The following RYR3 variants were observed in gnomAD, a reference collection of about 807,000 sequenced individuals.
RYR3 encodes the protein ryanodine receptor 3.
Under a neutral mutation model 584.3 loss-of-function variants are expected in RYR3, and 207 were observed. The ratio of observed to expected loss-of-function variants is 0.35; its 90% CI spans 0.32 to 0.40. The LOEUF is 0.40. Among genes scored for constraint, RYR3 ranks in the 10% least tolerant of loss-of-function variants. The pLI is 1.00. For synonymous variants in RYR3, 2,416 were observed against 2,248.5 expected, an observed-to-expected ratio of 1.07 and a Z score of -2.11; for missense variants, 5,616 against 6,089.2, an observed-to-expected ratio of 0.92 and a Z score of 2.59.
chr15:33,477,980 T>G (rs2049576645), intron 2 of RYR3, among the ~76,000 whole-genome samples: 1 of 149,032 alleles, frequency 6.7e-6, no homozygotes, highest in East Asian at 2.0e-4. Context: ...CGATAGCAAA[T>G]GTTTATTTAC....
chr15:33,322,871 T>C (rs1969158886), intron 1 of RYR3, among the ~76,000 whole-genome samples: 1 of 151,728 alleles, frequency 6.6e-6, no homozygotes, highest in African/African-American at 2.4e-5. Flanking sequence ...ATTCACACTC[T>C]TGTCTACCTT....
intron 2 of RYR3, among the ~76,000 whole-genome samples, chr15:33,498,583 T>C (rs895113123): frequency 3.3e-5 from 5 of 152,284 alleles, no homozygotes; most frequent in Admixed American, 2.6e-4. Flanking sequence ...ATTCTAGATA[T>C]TAATTCCTTG....
At chr15:33,854,558 A>T in intron 97 of RYR3, 109 bp downstream of exon 97, 1 of 1,083,236 alleles carries the variant, frequency 9.2e-7, no homozygotes, top group Non-Finnish European at 1.3e-6. Context: ...CTTATCAAAG[A>T]CCAAGAGCCT....
At chr15:33,699,501 C>G (rs1473450554) in intron 40 of RYR3, among the ~76,000 whole-genome samples, 1 of 151,960 alleles carries the variant, frequency 6.6e-6, no homozygotes, top group Non-Finnish European at 1.5e-5. Flanking sequence ...GATTGGGATT[C>G]TTGTTTGACA....
At chr15:33,681,604 C>G (rs1197185016) in intron 38 of RYR3, among the ~76,000 whole-genome samples, 1 of 152,156 alleles carries the variant, frequency 6.6e-6, no homozygotes, top group African/African-American at 2.4e-5. Context: ...AATTATCTAC[C>G]ACCTGTTCAT....
At chr15:33,625,081 G>A (rs1214746068) in intron 20 of RYR3, among the ~76,000 whole-genome samples, 1 of 152,194 alleles carries the variant, frequency 6.6e-6, no homozygotes. Context: ...TCACAGTTCT[G>A]CATGGCTGGG....
Position 33,310,983 on chromosome 15 carries a change from C to CGAGCG in RYR3, c.-61_-57dup, listed in dbSNP as rs1204093105. The CGAGCG allele has an allele frequency of 9.5e-5, 128 of 1,341,092 alleles. No individual in the cohort carries two copies. The highest frequency in any genetic ancestry group is 1.3e-4 in the Non-Finnish European group (125 of 960,274). The allele number at this position is 1,341,092 out of a possible 1,614,324, so 83.1% of individuals were successfully genotyped here. On this transcript the variant is annotated 5_prime_UTR_variant, in exon 1 of 104. Coordinates refer to ENST00000634891, the MANE Select transcript of RYR3 (RefSeq NM_001036.6). ...GAGCGCAGCAGCAGTCAGCGCACGC[C>CGAGCG]GAGCGGCTGCCGGGGGAAGCAGAGG...
intron 28 of RYR3, 163 bp from the exon 29 acceptor site, chr15:33,646,188 A>T: frequency 1.7e-6 from 1 of 584,098 alleles, no homozygotes; most frequent in Non-Finnish European, 3.0e-6. Flanking sequence ...CTACGGGACA[A>T]GGCCCAAGTA....
At chr15:33,678,225 T>A (rs1041592288) in intron 38 of RYR3, among the ~76,000 whole-genome samples, 1 of 152,208 alleles carries the variant, frequency 6.6e-6, no homozygotes, top group Non-Finnish European at 1.5e-5. Context: ...ACAAATCTCA[T>A]GTCGAATTGT....
At chr15:33,817,903 G>C (rs932684046) in intron 75 of RYR3, among the ~76,000 whole-genome samples, 7 of 152,138 alleles carry the variant, frequency 4.6e-5, no homozygotes, top group African/African-American at 1.4e-4. Flanking sequence ...CTCTGCCACT[G>C]CTAGAAAATT....
rs190482838 is a variant in RYR3, at chr15:33,651,182, T to C, written c.4143-1536T>C. Among the ~76,000 whole-genome samples, 261 of 152,348 alleles carry C rather than the reference T, an allele frequency of 1.7e-3. 2 individuals carry two copies. Among genetic ancestry groups the C allele is most frequent in the African/African-American group, 6.0e-3 (248 of 41,580 alleles). ...CAATAATTCTTACTTCTTTGTCCTA[T>C]GTAATAAGAAATAAATACAAAATCC... On this transcript the variant is annotated intron_variant, in intron 31 of 103. Coordinates refer to ENST00000634891, the MANE Select transcript of RYR3 (RefSeq NM_001036.6).
rs200758476 is a variant in RYR3, at chr15:33,412,685, C to G, written c.52-60734C>G. On this transcript the variant is annotated intron_variant, in intron 1 of 103. Coordinates refer to ENST00000634891, the MANE Select transcript of RYR3 (RefSeq NM_001036.6). This position sits in a 1 kb window ranked among gnomAD's most constrained non-coding sequence, Gnocchi z 4.3. ...CTGGTTTGGTTGTAACTCTCTGAAGCTGAGTACTGTGGCTAAATCAAGCTC... is the reference window on the plus strand; with the variant it reads ...CTGGTTTGGTTGTAACTCTCTGAAGGTGAGTACTGTGGCTAAATCAAGCTC... Among the ~76,000 whole-genome samples the G allele has an allele frequency of 2.6e-5, 4 of 152,310 alleles. No homozygotes were observed. In the East Asian group the frequency reaches 7.7e-4, roughly 29 times the overall value.
At chr15:33,607,481 T>A (rs1278257963) in intron 18 of RYR3, among the ~76,000 whole-genome samples, 1 of 152,144 alleles carries the variant, frequency 6.6e-6, no homozygotes, top group African/African-American at 2.4e-5. Flanking sequence ...TCTAGAGTTA[T>A]TCAGAGTTCC....
At chr15:33,555,465 C>CT (rs1009932561) in intron 10 of RYR3, among the ~76,000 whole-genome samples, 1 of 152,160 alleles carries the variant, frequency 6.6e-6, no homozygotes, top group South Asian at 2.1e-4. Flanking sequence ...GATTTTTAAA[C>CT]TTTAAGTTGA....
Position 33,805,699 on chromosome 15 carries a change from G to A in RYR3, c.10012-1856G>A, listed in dbSNP as rs28758386. Among the ~76,000 whole-genome samples, 351 of 151,304 alleles carry A rather than the reference G, an allele frequency of 2.3e-3. 1 individual carries two copies. The highest frequency in any genetic ancestry group is 6.9e-3 in the Middle Eastern group (2 of 290). On this transcript the variant is annotated intron_variant, in intron 69 of 103. Transcript: ENST00000634891. Reference sequence around the variant, plus strand: ...TCACTGTGTTAGCCAGGATGGTCTCGATCTCCTGACGTCATGATCCGCCCG... The same window carrying A: ...TCACTGTGTTAGCCAGGATGGTCTCAATCTCCTGACGTCATGATCCGCCCG...
chr15:33,393,199 G>A (rs117393736), intron 1 of RYR3, among the ~76,000 whole-genome samples: 2,129 of 152,348 alleles, frequency 0.014, 18 homozygotes, highest in Non-Finnish European at 0.024. Context: ...ATGTGAACAG[G>A]TAGAATCTAT....
chr15:33,531,507 C>G lies in RYR3; in HGVS notation c.354+841C>G, dbSNP rs565504896. Among the ~76,000 whole-genome samples the G allele has an allele frequency of 2.6e-5, 4 of 151,998 alleles. No individual in the cohort carries two copies. The South Asian group carries it at 6.2e-4, about 24-fold the overall frequency. On this transcript the variant is annotated intron_variant, in intron 4 of 103. Coordinates refer to ENST00000634891, the MANE Select transcript of RYR3 (RefSeq NM_001036.6). ...CTCTAGCCCTAGTGGAAAACTGATACGTTAATTCAAGACTATTTCCACACA... is the reference window on the plus strand; with the variant it reads ...CTCTAGCCCTAGTGGAAAACTGATAGGTTAATTCAAGACTATTTCCACACA...
chr15:33,507,455 G>A (rs1406574960), intron 3 of RYR3, among the ~76,000 whole-genome samples: 1 of 152,128 alleles, frequency 6.6e-6, no homozygotes, highest in Non-Finnish European at 1.5e-5. Flanking sequence ...CTAATCCTAT[G>A]TAATTTTATT....
At chr15:33,547,649 T>G (rs1382467263) in intron 8 of RYR3, among the ~76,000 whole-genome samples, 1 of 152,228 alleles carries the variant, frequency 6.6e-6, no homozygotes, top group Non-Finnish European at 1.5e-5. Flanking sequence ...GTGTAACAAC[T>G]GAGCATAAAG....
Sources: gnomAD v4.1 joint callset for allele counts (sites outside exome capture counted in the v4.1 genomes callset) on GRCh38, gnomAD v4.1.1 for gene constraint, Gnocchi (gnomAD v3.1) non-coding constraint, MANE v1.5 for transcripts, NCBI Gene and HGNC (gene_info 2026-07-23, HGNC 2026-07-21) for gene names.